OS9: variants seen among roughly 807,000 people sequenced by gnomAD.
OS9 encodes OS9 endoplasmic reticulum lectin.
OS9 carries 58 observed loss-of-function variants against 84.7 expected under a neutral mutation model. The ratio of observed to expected loss-of-function variants is 0.68; its 90% CI spans 0.55 to 0.85. The LOEUF (loss-of-function observed/expected upper bound fraction) is 0.85. Among genes scored for constraint, OS9 ranks in the 40% least tolerant of loss-of-function variants. The pLI is 0.00. For synonymous variants in OS9, 278 were observed against 320.8 expected (o/e 0.87, Z 1.43); for missense variants, 760 against 850.9 (o/e 0.89, Z 1.33).
intron 5 of OS9, among the ~76,000 whole-genome samples, chr12:57,707,929 GAAAA>G (rs75903865): frequency 7.1e-6 from 1 of 141,738 alleles, no homozygotes; most frequent in African/African-American, 2.6e-5. Flanking sequence ...TGTCTCTATG[GAAAA>G]AAAAAAAAAA....
intron 5 of OS9, among the ~76,000 whole-genome samples, chr12:57,701,342 C>G (rs146464801): frequency 3.8e-5 from 5 of 133,064 alleles, no homozygotes; most frequent in African/African-American, 1.4e-4. Context: ...GTAGTGCAAT[C>G]TAGGCTCACT....
Position 57,720,090 on chromosome 12 carries a change from C to G in OS9, c.1601-9C>G. The stretch of plus-strand genomic sequence containing the variant: ...GCTTTGTGTTTCCCTGTGTGTCTCC[C>G]CCTCTAAGAGGAGGATCCTGAGCAC... On this transcript the variant is annotated splice_polypyrimidine_tract_variant and intron_variant, in intron 12 of 14. Coordinates refer to ENST00000315970, the MANE Select transcript of OS9 (RefSeq NM_006812.4). 3 of 1,612,366 alleles carry G rather than the reference C, an allele frequency of 1.9e-6. No individual in the cohort carries two copies. Among genetic ancestry groups the G allele is most frequent in the Non-Finnish European group, 2.5e-6 (3 of 1,179,224 alleles).
At position 57,720,188 on chromosome 12, in the gene OS9, C is replaced by G; in HGVS notation, c.1690C>G (p.Arg564Gly). The G allele has an allele frequency of 6.2e-7, 1 of 1,614,176 alleles. No individual in the cohort carries two copies. Among genetic ancestry groups the G allele is most frequent in the Non-Finnish European group, 8.5e-7 (1 of 1,180,028 alleles). ...NQDLTVLEMK[R>G]ENPQLKQIEG... ...GGATCTGACTGTCCTCGAGATGAAACGGGAAAACCCACAGCTGAAACAAAT... is the reference window on the plus strand; with the variant it reads ...GGATCTGACTGTCCTCGAGATGAAAGGGGAAAACCCACAGCTGAAACAAAT... Residue 564 changes from arginine to glycine, a missense_variant, in exon 13 of 15, where the codon CGG (arginine) becomes GGG (glycine). Physicochemically the swap from Arg to Gly is moderately radical, Grantham distance 125. Transcript: ENST00000315970.
In OS9 at chr12:57,720,189, G is replaced by A. The variant is rs1190262808; in HGVS notation, c.1691G>A (p.Arg564Gln). ...GATCTGACTGTCCTCGAGATGAAAC[G>A]GGAAAACCCACAGCTGAAACAAATC... The part of the protein sequence containing the change: ...NQDLTVLEMK[R>Q]ENPQLKQIEG... Residue 564 changes from arginine (R) to glutamine (Q), a missense_variant, in exon 13 of 15, where the codon CGG becomes CAG. By Grantham distance (43) the Arg-to-Gln change is conservative. Coordinates refer to ENST00000315970, the MANE Select transcript of OS9 (RefSeq NM_006812.4). The A allele has an allele frequency of 4.3e-6, 7 of 1,614,210 alleles. No homozygotes were observed. The highest frequency in any genetic ancestry group is 1.7e-5 in the Admixed American group (1 of 60,032).
Position 57,720,230 on chromosome 12 carries a change from G to T in OS9, c.1732G>T (p.Glu578Ter). 6.2e-7 allele frequency: 1 copy of T among 1,614,144 alleles called. No homozygotes were observed. The highest frequency in any genetic ancestry group is 8.5e-7 in the Non-Finnish European group (1 of 1,180,034). Residue 578 changes from glutamate (E) to a stop codon, truncating the protein, a stop_gained, in exon 13 of 15, where the codon GAG becomes TAG. Transcript: ENST00000315970. LOFTEE classifies it high-confidence loss of function. ...QLKQIEGLVK[E>*]LLEREGLTAA... is the part of the protein sequence containing the mutation. ...GAAACAAATCGAGGGGCTGGTGAAGGAGCTGCTGGAGAGGGAGGGACTCAC... is the reference window on the plus strand; with the variant it reads ...GAAACAAATCGAGGGGCTGGTGAAGTAGCTGCTGGAGAGGGAGGGACTCAC...
chr12:57,704,568 C>A (rs1395859584), intron 5 of OS9, among the ~76,000 whole-genome samples: 1 of 151,804 alleles, frequency 6.6e-6, no homozygotes, highest in Non-Finnish European at 1.5e-5. Flanking sequence ...CTATTGTTTT[C>A]TTGTAGTATT....
chr12:57,720,922 A>C lies in OS9; in HGVS notation c.*13A>C. The C allele has an allele frequency of 1.2e-6, 2 of 1,613,704 alleles. No homozygotes were observed. Among genetic ancestry groups the C allele is most frequent in the Non-Finnish European group, 1.7e-6 (2 of 1,179,794 alleles). On this transcript the variant is annotated 3_prime_UTR_variant, in exon 15 of 15. Transcript: ENST00000315970. ...ATTTGACTTCTGAGACCAACACTAC[A>C]CTTGACCCTTCACGGAATCCAGACT...
intron 5 of OS9, among the ~76,000 whole-genome samples, chr12:57,699,142 C>T (rs1485579668): frequency 2.0e-5 from 3 of 151,988 alleles, no homozygotes; most frequent in Admixed American, 6.6e-5. Flanking sequence ...GATTCGTGTT[C>T]CTGAGATAGG....
intron 5 of OS9, among the ~76,000 whole-genome samples, chr12:57,698,770 C>T (rs1486774881): frequency 2.6e-5 from 4 of 151,900 alleles, no homozygotes; most frequent in African/African-American, 4.8e-5. Flanking sequence ...AGGGGATAAT[C>T]ATGGGAAGAG....
chr12:57,711,519 G>C (rs1207353813), intron 5 of OS9, among the ~76,000 whole-genome samples: 1 of 151,820 alleles, frequency 6.6e-6, no homozygotes, highest in African/African-American at 2.4e-5. Context: ...GCTAATTTTT[G>C]TATTGTTAGT....
At chr12:57,703,493 G>A (rs1027508963) in intron 5 of OS9, among the ~76,000 whole-genome samples, 7 of 152,148 alleles carry the variant, frequency 4.6e-5, no homozygotes, top group African/African-American at 1.2e-4. Context: ...TCCTGGCATC[G>A]TTTGTTGAAA....
chr12:57,705,880 T>C (rs1954151916), intron 5 of OS9, among the ~76,000 whole-genome samples: 1 of 152,206 alleles, frequency 6.6e-6, no homozygotes, highest in African/African-American at 2.4e-5. Flanking sequence ...GTTTTACATA[T>C]TGATCTTACA....
intron 5 of OS9, among the ~76,000 whole-genome samples, chr12:57,708,253 T>C (rs1954229738): frequency 6.9e-6 from 1 of 144,410 alleles, no homozygotes; most frequent in Non-Finnish European, 1.5e-5. Context: ...GTAACCATTG[T>C]TAATTTCTTT....
In OS9 at chr12:57,694,595, C is replaced by T; in HGVS notation, c.163-155C>T. 4 of 786,008 alleles carry T rather than the reference C, an allele frequency of 5.1e-6. No homozygotes were observed. The South Asian group carries it at 6.5e-5, about 13-fold the overall frequency. 48.7% of individuals were successfully genotyped at this position (786,008 alleles called of 1,614,324 possible). On this transcript the variant is annotated intron_variant, in intron 1 of 14. Coordinates refer to ENST00000315970, the MANE Select transcript of OS9 (RefSeq NM_006812.4). ...CGCCCCCGTGGAGAAATGGGAGCGCCCTCTCCTCTCACCCACTAAATACAG... is the reference window on the plus strand; with the variant it reads ...CGCCCCCGTGGAGAAATGGGAGCGCTCTCTCCTCTCACCCACTAAATACAG...
intron 5 of OS9, among the ~76,000 whole-genome samples, chr12:57,703,715 T>C (rs1396731406): frequency 2.0e-5 from 3 of 152,164 alleles, no homozygotes; most frequent in Non-Finnish European, 2.9e-5. Flanking sequence ...TTTTTTAATA[T>C]TGTTATGGAT....
intron 5 of OS9, among the ~76,000 whole-genome samples, chr12:57,714,088 C>A (rs1348837455): frequency 2.0e-5 from 3 of 150,000 alleles, no homozygotes; most frequent in African/African-American, 4.9e-5. Context: ...GCCTGGGTGA[C>A]ACAGTGAGAC....
At chr12:57,710,690 G>A (rs1291988334) in intron 5 of OS9, among the ~76,000 whole-genome samples, 1 of 151,992 alleles carries the variant, frequency 6.6e-6, no homozygotes, top group Non-Finnish European at 1.5e-5. Context: ...TTATTAAATA[G>A]ATAATACTTT....
rs764548778 is a variant in OS9, at chr12:57,718,196, C to G, written c.1185C>G (p.Val395=). 2 of 1,613,940 alleles carry G rather than the reference C, an allele frequency of 1.2e-6. No homozygotes were observed. Among genetic ancestry groups the G allele is most frequent in the African/African-American group, 2.7e-5 (2 of 74,876 alleles). The change falls in exon 11 of 15, where the codon GTC becomes GTG. Residue 395 remains valine (V), a synonymous_variant. Coordinates refer to ENST00000315970, the MANE Select transcript of OS9 (RefSeq NM_006812.4). ...AGCCTGTGGATGATGCTGCAGAAGTCCCTCAGAGGGAACCAGAGAAGGAAA... is the reference window on the plus strand; with the variant it reads ...AGCCTGTGGATGATGCTGCAGAAGTGCCTCAGAGGGAACCAGAGAAGGAAA... ...QEQPVDDAAE[V]PQREPEKERG...
At chr12:57,702,429 G>A (rs750580732) in intron 5 of OS9, among the ~76,000 whole-genome samples, 1 of 152,088 alleles carries the variant, frequency 6.6e-6, no homozygotes, top group East Asian at 1.9e-4. Flanking sequence ...TCTTTTTATG[G>A]CTTAATCATG....
Sources: allele counts gnomAD v4.1 joint callset (sites outside exome capture counted in the v4.1 genomes callset), GRCh38; gene constraint gnomAD v4.1.1; transcripts MANE v1.5; gene names NCBI Gene and HGNC (gene_info 2026-07-23, HGNC 2026-07-21).